The following CSNK1D variants were observed in gnomAD, a reference collection of about 807,000 sequenced individuals.
The protein encoded by CSNK1D is casein kinase I isoform delta.
CSNK1D carries 16 observed loss-of-function variants against 46.6 expected under a neutral mutation model. The observed-to-expected ratio is 0.34, with a 90% confidence interval of 0.23 to 0.52. CSNK1D has a LOEUF of 0.52. Among genes scored for constraint, CSNK1D ranks in the 20% least tolerant of loss-of-function variants. CSNK1D has a pLI of 0.95. For synonymous variants in CSNK1D, 276 were observed against 228.2 expected (o/e 1.21, Z -1.89); for missense variants, 398 against 578.4 (o/e 0.69, Z 3.20).
intron 3 of CSNK1D, chr17:82,254,070 C>CGAGAAGCCA (rs2051091053): frequency 1.2e-5 from 2 of 172,282 alleles, no homozygotes; most frequent in Non-Finnish European, 2.1e-5. Context: ...GCCGGAGCCT[C>CGAGAAGCCA]GTGAAGCCAG....
At position 82,243,785 on chromosome 17, in the gene CSNK1D, G is replaced by C. The variant is rs900248766; in HGVS notation, c.*996C>G. 1.0e-6 allele frequency: 1 copy of C among 985,322 alleles called. No homozygotes were observed. Among genetic ancestry groups the C allele is most frequent in the African/African-American group, 1.7e-5 (1 of 57,214 alleles). The allele number at this position is 985,322 out of a possible 1,614,324, so 61.0% of individuals were successfully genotyped here. A position where few individuals can be genotyped will look rare whatever the true frequency, so the allele number is the denominator to read the frequency against. On this transcript the variant is annotated 3_prime_UTR_variant, in exon 9 of 9. Transcript: ENST00000314028. ...AGGAGCATTGAGTGCTGAGAAAATG[G>C]ACTGAGTGCAAAGGCAGCAAGGCAA...
At chr17:82,259,557 T>C (rs1049443191) in intron 2 of CSNK1D, among the ~76,000 whole-genome samples, 7 of 152,202 alleles carry the variant, frequency 4.6e-5, no homozygotes, top group Non-Finnish European at 8.8e-5. Context: ...AACTGGACAT[T>C]TGCACGTACC....
At chr17:82,240,112 C>T, downstream of CSNK1D, 3 of 1,216,352 alleles carry the variant, frequency 2.5e-6, no homozygotes, top group Non-Finnish European at 3.1e-6. Flanking sequence ...CAGCTGTCCC[C>T]ATCTGCCCCT....
chr17:82,239,663 G>T, downstream of CSNK1D: 1 of 307,864 alleles, frequency 3.2e-6, no homozygotes, highest in Non-Finnish European at 5.9e-6. Context: ...CCTGGAGGCC[G>T]CTGTGCCAGG....
chr17:82,239,704 A>T (rs2050712613), downstream of CSNK1D: 1 of 355,806 alleles, frequency 2.8e-6, no homozygotes, highest in East Asian at 4.2e-5. Context: ...GGGAGCCCCT[A>T]CGTGGTGGTT....
At chr17:82,264,069 G>C (rs940638773) in intron 2 of CSNK1D, among the ~76,000 whole-genome samples, 1 of 152,210 alleles carries the variant, frequency 6.6e-6, no homozygotes, top group Non-Finnish European at 1.5e-5. Flanking sequence ...TAGAAACGTC[G>C]GTTTCTTGTA....
chr17:82,269,854 G>A (rs1055205210), intron 1 of CSNK1D, among the ~76,000 whole-genome samples: 2 of 152,246 alleles, frequency 1.3e-5, no homozygotes, highest in Non-Finnish European at 2.9e-5. Flanking sequence ...CTGTGGTTCT[G>A]GGGCTGGGAA....
downstream of CSNK1D, chr17:82,239,765 A>G (rs970280743): frequency 1.0e-5 from 4 of 393,930 alleles, no homozygotes; most frequent in Non-Finnish European, 1.8e-5. Context: ...TGTGTTTAAG[A>G]AACAGGACCC....
In CSNK1D at chr17:82,248,106, C is replaced by G. The variant is rs1011373677; in HGVS notation, c.1197+769G>C. Reference sequence around the variant, plus strand: ...CTCATCCGGAAGACCCGTGGGGGATCTGGGCACCCCCCAGGATGCCTGCTG... The same window carrying G: ...CTCATCCGGAAGACCCGTGGGGGATGTGGGCACCCCCCAGGATGCCTGCTG... On this transcript the variant is annotated intron_variant, in intron 8 of 8. Coordinates refer to ENST00000314028, the MANE Select transcript of CSNK1D (RefSeq NM_001893.6). This position sits in a 1 kb window ranked among gnomAD's most constrained non-coding sequence, Gnocchi z 4.1. 1.0e-6 allele frequency: 1 copy of G among 985,502 alleles called. No homozygotes were observed. The highest frequency in any genetic ancestry group is 1.2e-6 in the Non-Finnish European group (1 of 829,980). 61.0% of individuals were successfully genotyped at this position (985,502 alleles called of 1,614,324 possible). A position where few individuals can be genotyped will look rare whatever the true frequency, so the allele number is the denominator to read the frequency against.
rs945717207 is a variant in CSNK1D, at chr17:82,246,605, G to C, written c.1198-1774C>G. 5 of 1,022,574 alleles carry C rather than the reference G, an allele frequency of 4.9e-6. No homozygotes were observed. The Admixed American group carries it at 2.0e-4, about 41-fold the overall frequency. The allele number at this position is 1,022,574 out of a possible 1,614,324, so 63.3% of individuals were successfully genotyped here. On this transcript the variant is annotated intron_variant, in intron 8 of 8. Transcript: ENST00000314028. ...ACAGCCCGAAAAGAGAGGGGGCGAA[G>C]AGGGAACAGACCCAGGCGGAGTCCG...
rs928309066 is a variant in CSNK1D at position 82,255,223 on chromosome 17, G to A, written c.336+206C>T. 8.0e-5 allele frequency: 51 copies of A among 635,546 alleles called. No homozygotes were observed. The highest frequency in any genetic ancestry group is 1.5e-4 in the African/African-American group (8 of 53,800). The allele number at this position is 635,546 out of a possible 1,614,324, so 39.4% of individuals were successfully genotyped here. A position where few individuals can be genotyped will look rare whatever the true frequency, so the allele number is the denominator to read the frequency against. On this transcript the variant is annotated intron_variant, in intron 3 of 8. Coordinates refer to ENST00000314028, the MANE Select transcript of CSNK1D (RefSeq NM_001893.6). The surrounding 1 kb of genome is among the most constrained non-coding windows in gnomAD (Gnocchi z 5.9). ...CCTCGAGAAGCCAGTGAGCTGGGCCGCCGGAGCCTCGAGAAGCCAGTGAGC... is the reference window on the plus strand; with the variant it reads ...CCTCGAGAAGCCAGTGAGCTGGGCCACCGGAGCCTCGAGAAGCCAGTGAGC...
rs2050760993 is a variant in CSNK1D, at chr17:82,242,802, CGGGGCGACG to C, written c.*1970_*1978del. ...CGACGTCCTACCTACGTCTCCTGCA[CGGGGCGACG>C]GGGACTAGATACTGGGCAAGGACTG... On this transcript the variant is annotated 3_prime_UTR_variant, in exon 9 of 9. Transcript: ENST00000314028. 1.0e-6 allele frequency: 1 copy of C among 985,376 alleles called. No individual in the cohort carries two copies. Among genetic ancestry groups the C allele is most frequent in the African/African-American group, 1.7e-5 (1 of 57,248 alleles). 61.0% of individuals were successfully genotyped at this position (985,376 alleles called of 1,614,324 possible).
At chr17:82,268,093 C>T (rs1479012305) in intron 1 of CSNK1D, among the ~76,000 whole-genome samples, 3 of 152,360 alleles carry the variant, frequency 2.0e-5, no homozygotes, top group South Asian at 2.1e-4. Flanking sequence ...GTGGAACCGA[C>T]ACCAAGGTCG....
rs1222947977 is a variant in CSNK1D, at chr17:82,271,272, C to T, written c.76+2034G>A. On this transcript the variant is annotated intron_variant, in intron 1 of 8. Transcript: ENST00000314028. ...TGTATTTTTAGTAGAGATGGGGTTT[C>T]GCCACTTTGGCCAGGCTGGTCTCCT... Among the ~76,000 whole-genome samples the T allele has an allele frequency of 5.3e-5, 8 of 152,124 alleles. No homozygotes were observed. The East Asian group carries it at 1.5e-3, about 29-fold the overall frequency.
chr17:82,247,031 G>A, intron 8 of CSNK1D: 1 of 985,468 alleles, frequency 1.0e-6, no homozygotes, highest in Middle Eastern at 5.2e-4. Context: ...CTGTGAGATG[G>A]TGACAAAGGA....
downstream of CSNK1D, among the ~76,000 whole-genome samples, chr17:82,240,805 G>A (rs1373977567): frequency 6.6e-6 from 1 of 152,174 alleles, no homozygotes; most frequent in Non-Finnish European, 1.5e-5. Context: ...ACGTGTGGGG[G>A]CTGGGGTCCC....
intron 2 of CSNK1D, among the ~76,000 whole-genome samples, chr17:82,258,336 GTA>G (rs34123796): frequency 7.4e-5 from 11 of 148,688 alleles, no homozygotes; most frequent in Non-Finnish European, 1.3e-4. Context: ...GAACATATGT[GTA>G]TATATATATA....
rs747214758 is a variant in CSNK1D at position 82,251,502 on chromosome 17, G to A, written c.762C>T (p.Phe254=). The A allele has an allele frequency of 2.5e-6, 4 of 1,614,162 alleles. No individual in the cohort carries two copies. The highest frequency in any genetic ancestry group is 2.7e-5 in the African/African-American group (2 of 75,054). ...TGTCGTCAAAACGCAAGGAACGGCAGAAATTCAGGTATGTGGCAAATTCGG... is the reference window on the plus strand; with the variant it reads ...TGTCGTCAAAACGCAAGGAACGGCAAAAATTCAGGTATGTGGCAAATTCGG... ...YPSEFATYLN[F]CRSLRFDDKP... is the part of the protein sequence containing the mutation. The change falls in exon 6 of 9, where the codon TTC becomes TTT. Residue 254 remains phenylalanine, a synonymous_variant. Transcript: ENST00000314028. The surrounding 1 kb of genome is among the most constrained non-coding windows in gnomAD (Gnocchi z 4.5).
At position 82,243,455 on chromosome 17, in the gene CSNK1D, C is replaced by G. The variant is rs1441373765; in HGVS notation, c.*1326G>C. ...GCATCCTGGGAACCTCAGGGCACAG[C>G]AGCATGGAGCCTGGGGCAGCACCAG... On this transcript the variant is annotated 3_prime_UTR_variant, in exon 9 of 9. Coordinates refer to ENST00000314028, the MANE Select transcript of CSNK1D (RefSeq NM_001893.6). The G allele has an allele frequency of 4.1e-6, 4 of 985,434 alleles. No individual in the cohort carries two copies. In the East Asian group the frequency reaches 3.4e-4, roughly 84 times the overall value. The allele number at this position is 985,434 out of a possible 1,614,324, so 61.0% of individuals were successfully genotyped here.
Sources: allele counts gnomAD v4.1 joint callset (sites outside exome capture counted in the v4.1 genomes callset), GRCh38; gene constraint gnomAD v4.1.1; non-coding constraint Gnocchi (gnomAD v3.1); transcripts MANE v1.5; gene names NCBI Gene and HGNC (gene_info 2026-07-23, HGNC 2026-07-21).